The following KIAA1328 variants were observed in gnomAD, a reference collection of about 807,000 sequenced individuals.
KIAA1328 encodes the protein KIAA1328.
A neutral mutation model predicts 68.1 loss-of-function variants in KIAA1328; 52 were observed. The observed-to-expected ratio is 0.76, with a 90% CI of 0.61 to 0.96. The LOEUF is 0.96. Ranked by LOEUF, KIAA1328 falls within the 40% of genes least tolerant of loss-of-function variation. The pLI, the probability that KIAA1328 is intolerant of heterozygous loss-of-function variation, is 0.00. For synonymous variants in KIAA1328, 232 were observed against 239.4 expected (o/e 0.97, Z 0.28); for missense variants, 641 against 677.6 (o/e 0.95, Z 0.60).
At position 36,968,620 on chromosome 18, in the gene KIAA1328, G is replaced by C. The variant is rs754983717; in HGVS notation, c.576+9185G>C. Among the ~76,000 whole-genome samples, 21 of 152,188 alleles carry C rather than the reference G, an allele frequency of 1.4e-4. 1 individual carries two copies. The highest frequency in any genetic ancestry group is 2.9e-4 in the Non-Finnish European group (20 of 67,998). On this transcript the variant is annotated intron_variant, in intron 6 of 9. Coordinates refer to ENST00000280020, the MANE Select transcript of KIAA1328 (RefSeq NM_020776.3). ...AATGTGTTTGCATCTAACACAAGGCGACCCAGATTCATAAAGCAAGTTCTT... is the reference window on the plus strand; with the variant it reads ...AATGTGTTTGCATCTAACACAAGGCCACCCAGATTCATAAAGCAAGTTCTT...
At chr18:36,862,688 A>T (rs1160644066) in intron 4 of KIAA1328, among the ~76,000 whole-genome samples, 4 of 152,144 alleles carry the variant, frequency 2.6e-5, no homozygotes, top group African/African-American at 9.7e-5. Context: ...TGTGAACATC[A>T]CATTTTAATT....
intron 7 of KIAA1328, among the ~76,000 whole-genome samples, chr18:37,089,741 A>T (rs946199554): frequency 2.0e-4 from 31 of 152,180 alleles, no homozygotes; most frequent in Non-Finnish European, 4.0e-4. Context: ...AACAATAAAA[A>T]TTTTTGTTGA....
chr18:36,870,489 TAGTA>T (rs2047908356), intron 4 of KIAA1328, among the ~76,000 whole-genome samples: 1 of 151,274 alleles, frequency 6.6e-6, no homozygotes. Flanking sequence ...TAAAATAAAA[TAGTA>T]GCAGATGAAG....
intron 4 of KIAA1328, among the ~76,000 whole-genome samples, chr18:36,865,225 TTC>T (rs1286953658): frequency 2.0e-5 from 3 of 152,132 alleles, no homozygotes; most frequent in African/African-American, 7.2e-5. Flanking sequence ...TTTTAATTCG[TTC>T]TGTTTTCATT....
At chr18:37,148,558 A>G (rs2058957493) in intron 7 of KIAA1328, among the ~76,000 whole-genome samples, 1 of 152,218 alleles carries the variant, frequency 6.6e-6, no homozygotes, top group South Asian at 2.1e-4. Flanking sequence ...GTCTTCCACA[A>G]TGGTTGAACT....
At chr18:37,023,001 A>G (rs2054405778) in intron 6 of KIAA1328, among the ~76,000 whole-genome samples, 1 of 152,150 alleles carries the variant, frequency 6.6e-6, no homozygotes, top group African/African-American at 2.4e-5. Flanking sequence ...AACATCTTAT[A>G]AACAATCACA....
intron 7 of KIAA1328, among the ~76,000 whole-genome samples, chr18:37,147,345 G>A (rs1344573465): frequency 6.6e-6 from 1 of 152,072 alleles, no homozygotes; most frequent in Non-Finnish European, 1.5e-5. Flanking sequence ...TTAATTGATT[G>A]ATTTTTTTTT....
In KIAA1328 at chr18:37,096,894, T is replaced by G. The variant is rs540892738; in HGVS notation, c.1232+29349T>G. Among the ~76,000 whole-genome samples, 62 of 152,328 alleles carry G rather than the reference T, an allele frequency of 4.1e-4. 1 individual carries two copies. Among genetic ancestry groups the G allele is most frequent in the African/African-American group, 1.3e-3 (53 of 41,566 alleles). ...CTTCTTTTGAGAAGTGTCTGTTCAT[T>G]TCCTTCACCCACTTTTTGTTGGGGC... On this transcript the variant is annotated intron_variant, in intron 7 of 9. Transcript: ENST00000280020.
At chr18:37,216,826 A>G (rs777834091) in intron 9 of KIAA1328, among the ~76,000 whole-genome samples, 1 of 150,092 alleles carries the variant, frequency 6.7e-6, no homozygotes, top group African/African-American at 2.5e-5. Context: ...TATTGGGTGC[A>G]TATATATTTA....
At chr18:37,211,866 A>G (rs1167926245) in intron 9 of KIAA1328, among the ~76,000 whole-genome samples, 1 of 152,152 alleles carries the variant, frequency 6.6e-6, no homozygotes, top group Non-Finnish European at 1.5e-5. Context: ...GTTGCTCTGG[A>G]TTTCAGTTTG....
intron 9 of KIAA1328, among the ~76,000 whole-genome samples, chr18:37,176,310 A>G (rs562792429): frequency 3.2e-4 from 48 of 152,354 alleles, no homozygotes; most frequent in Non-Finnish European, 5.9e-4. Context: ...TTAAGGTTCA[A>G]TAATACTGAC....
chr18:37,013,969 A>G (rs1054988515), intron 6 of KIAA1328, among the ~76,000 whole-genome samples: 22 of 152,256 alleles, frequency 1.4e-4, no homozygotes, highest in African/African-American at 5.3e-4. Flanking sequence ...GCAACAGTGT[A>G]TGAACAGTCC....
At chr18:37,170,196 A>G (rs2059473617) in intron 8 of KIAA1328, among the ~76,000 whole-genome samples, 1 of 152,056 alleles carries the variant, frequency 6.6e-6, no homozygotes, top group Admixed American at 6.6e-5. Context: ...CCAGTTTGGT[A>G]TTTTTTTAAT....
chr18:37,099,077 C>G (rs1387275268), intron 7 of KIAA1328, among the ~76,000 whole-genome samples: 1 of 152,110 alleles, frequency 6.6e-6, no homozygotes, highest in Non-Finnish European at 1.5e-5. Context: ...CTATTTCCTT[C>G]AATTCTGCTC....
chr18:37,030,924 C>A (rs1290225876), intron 6 of KIAA1328, among the ~76,000 whole-genome samples: 1 of 151,400 alleles, frequency 6.6e-6, no homozygotes, highest in Admixed American at 6.6e-5. Flanking sequence ...TAAGTGAGAA[C>A]ATGTGGTGTT....
chr18:36,835,106 G>A (rs904069741), intron 2 of KIAA1328, 128 bp from the exon 3 acceptor site: 2 of 608,876 alleles, frequency 3.3e-6, no homozygotes, highest in Non-Finnish European at 5.5e-6. Flanking sequence ...TTAAAATTAA[G>A]TTTATAAAGT....
chr18:37,006,793 G>C (rs2053801595), intron 6 of KIAA1328, among the ~76,000 whole-genome samples: 2 of 152,064 alleles, frequency 1.3e-5, no homozygotes, highest in South Asian at 4.1e-4. Flanking sequence ...TTCATTTTAA[G>C]AGGCAATCAG....
chr18:36,985,344 C>G (rs530130253), intron 6 of KIAA1328, among the ~76,000 whole-genome samples: 6 of 152,052 alleles, frequency 3.9e-5, no homozygotes, highest in South Asian at 2.1e-4. Context: ...TCTCAGCCAG[C>G]GTTTTTTGTA....
At chr18:36,996,490 C>G (rs187411261) in intron 6 of KIAA1328, among the ~76,000 whole-genome samples, 297 of 152,144 alleles carry the variant, frequency 2.0e-3, no homozygotes, top group African/African-American at 6.7e-3. Context: ...TAAAAGGGCT[C>G]TAAATTTTAA....
Sources: allele counts gnomAD v4.1 joint callset (sites outside exome capture counted in the v4.1 genomes callset), GRCh38; gene constraint gnomAD v4.1.1; transcripts MANE v1.5; gene names NCBI Gene and HGNC (gene_info 2026-07-23, HGNC 2026-07-21).